CEP57L1: variants seen among roughly 807,000 people sequenced by gnomAD.
CEP57L1 encodes the protein centrosomal protein CEP57L1.
A neutral mutation model predicts 61.0 loss-of-function variants in CEP57L1; 37 were observed. That is an observed-to-expected ratio of 0.61 (90% CI 0.47 to 0.80). The LOEUF (loss-of-function observed/expected upper bound fraction) is 0.80. CEP57L1 is among the 30% of genes least tolerant of loss of function. CEP57L1 has a pLI of 0.00. For synonymous variants in CEP57L1, 137 were observed against 162.3 expected (o/e 0.84, Z 1.19); for missense variants, 422 against 524.7 (o/e 0.80, Z 1.91).
At chr6:109,111,659 T>G (rs1583403779) in intron 1 of CEP57L1, among the ~76,000 whole-genome samples, 1 of 152,310 alleles carries the variant, frequency 6.6e-6, no homozygotes. Flanking sequence ...GGCTGTGGGT[T>G]TGTCATAAAT....
intron 10 of CEP57L1, 120 bp from the exon 11 acceptor site, chr6:109,162,629 T>C (rs527341872): frequency 1.5e-6 from 1 of 669,818 alleles, no homozygotes; most frequent in East Asian, 2.7e-5. Flanking sequence ...CTTAATGAAT[T>C]GAATTTTTTA....
chr6:109,100,672 CAAAAAAAAAAAA>C (rs539993641), intron 1 of CEP57L1, among the ~76,000 whole-genome samples: 1 of 74,052 alleles, frequency 1.4e-5, no homozygotes, highest in Admixed American at 1.6e-4. Context: ...GAGATTGTCT[CAAAAAAAAAAAA>C]AAAAAAAAGA....
Position 109,126,635 on chromosome 6 carries a change from A to G in CEP57L1, c.-3-18584A>G, listed in dbSNP as rs1773584488. On this transcript the variant is annotated intron_variant, in intron 1 of 10. Transcript: ENST00000517392. ...AGATGATGGGGAGTCTAATCATTTA[A>G]GTGACCTTAGACATTATATGTTCTA... Among the ~76,000 whole-genome samples the G allele has an allele frequency of 2.0e-5, 3 of 152,292 alleles. 1 individual carries two copies. Among genetic ancestry groups the G allele is most frequent in the Middle Eastern group, 6.8e-3 (2 of 294 alleles).
intron 1 of CEP57L1, among the ~76,000 whole-genome samples, chr6:109,111,884 G>A (rs1048788374): frequency 3.3e-5 from 5 of 152,132 alleles, no homozygotes; most frequent in East Asian, 1.9e-4. Context: ...CAACTTGATC[G>A]TGGTGGATAA....
intron 1 of CEP57L1, among the ~76,000 whole-genome samples, chr6:109,117,757 G>A (rs891524967): frequency 7.2e-5 from 11 of 152,178 alleles, no homozygotes; most frequent in African/African-American, 9.6e-5. Context: ...AATATTAAGC[G>A]AAGTGAATTA....
rs550253239 is a variant in CEP57L1 at position 109,163,894 on chromosome 6, C to A, written c.*924C>A. On this transcript the variant is annotated 3_prime_UTR_variant, in exon 11 of 11. Transcript: ENST00000517392. Reference sequence around the variant, plus strand: ...ATGCATGCTTTATAATAAATTTACACTTGATCATTTTTCTGGAAGCCTATG... The same window carrying A: ...ATGCATGCTTTATAATAAATTTACAATTGATCATTTTTCTGGAAGCCTATG... The A allele has an allele frequency of 6.6e-6, 1 of 152,196 alleles. No individual in the cohort carries two copies. Among genetic ancestry groups the A allele is most frequent in the East Asian group, 1.9e-4 (1 of 5,188 alleles). 9.4% of individuals were successfully genotyped at this position (152,196 alleles called of 1,614,324 possible). A position where few individuals can be genotyped will look rare whatever the true frequency, so the allele number is the denominator to read the frequency against.
At chr6:109,113,353 A>G (rs1771898358) in intron 1 of CEP57L1, among the ~76,000 whole-genome samples, 1 of 151,890 alleles carries the variant, frequency 6.6e-6, no homozygotes, top group South Asian at 2.1e-4. Context: ...GTGTTCATTT[A>G]CTCGTTTACC....
chr6:109,105,774 G>C (rs1182220768), intron 1 of CEP57L1, among the ~76,000 whole-genome samples: 2 of 152,170 alleles, frequency 1.3e-5, no homozygotes, highest in African/African-American at 4.8e-5. Context: ...GCCATGGACT[G>C]GTACGGGTTC....
At chr6:109,134,161 CA>C (rs1774534978) in intron 1 of CEP57L1, among the ~76,000 whole-genome samples, 1 of 152,226 alleles carries the variant, frequency 6.6e-6, no homozygotes, top group East Asian at 1.9e-4. Flanking sequence ...CAGAAATCCT[CA>C]ATATAATACT....
Position 109,115,684 on chromosome 6 carries a change from G to T in CEP57L1, c.-4+20109G>T, listed in dbSNP as rs116758046. Among the ~76,000 whole-genome samples, 1,258 of 152,126 alleles carry T rather than the reference G, an allele frequency of 8.3e-3. 24 individuals carry two copies. The highest frequency in any genetic ancestry group is 0.029 in the African/African-American group (1,207 of 41,484). On this transcript the variant is annotated intron_variant, in intron 1 of 10. Transcript: ENST00000517392. Reference sequence around the variant, plus strand: ...GGAAAGCAGTACAGAAATCAAAAGGGTCCACAGTTAGAGTCCGGAGACCTG... The same window carrying T: ...GGAAAGCAGTACAGAAATCAAAAGGTTCCACAGTTAGAGTCCGGAGACCTG...
At chr6:109,122,098 G>A (rs1773039883) in intron 1 of CEP57L1, among the ~76,000 whole-genome samples, 1 of 152,176 alleles carries the variant, frequency 6.6e-6, no homozygotes, top group Non-Finnish European at 1.5e-5. Flanking sequence ...ACTTCAGAAA[G>A]GATTTGCATT....
At position 109,102,191 on chromosome 6, in the gene CEP57L1, T is replaced by C. The variant is rs116475396; in HGVS notation, c.-4+6616T>C. ...CTTTTGTCCATTTTTAAATTATTATTACTGTTGAGTGTTTTTGTTTTTTAG... is the reference window on the plus strand; with the variant it reads ...CTTTTGTCCATTTTTAAATTATTATCACTGTTGAGTGTTTTTGTTTTTTAG... On this transcript the variant is annotated intron_variant, in intron 1 of 10. Transcript: ENST00000517392. Among the ~76,000 whole-genome samples, 1,260 of 152,298 alleles carry C rather than the reference T, an allele frequency of 8.3e-3. 24 individuals are homozygous for C. The highest frequency in any genetic ancestry group is 0.029 in the African/African-American group (1,209 of 41,560).
intron 5 of CEP57L1, among the ~76,000 whole-genome samples, chr6:109,154,514 A>G (rs547055651): frequency 6.6e-6 from 1 of 152,210 alleles, no homozygotes; most frequent in South Asian, 2.1e-4. Flanking sequence ...TTTTATGAAT[A>G]TTGCTCTTTT....
rs765639518 is a variant in CEP57L1, at chr6:109,159,386, G to A, written c.940G>A (p.Glu314Lys). 25 of 1,613,946 alleles carry A rather than the reference G, an allele frequency of 1.5e-5. No individual in the cohort carries two copies. The highest frequency in any genetic ancestry group is 3.3e-4 in the Middle Eastern group (2 of 6,058). ...GTGTAAAGCTATTCCTCCTGACTCA[G>A]AAAAGTCCATTTCCATTTGTGACAA... is the stretch of plus-strand genomic sequence containing the variant. ...SWCKAIPPDSEKSISICDNLS... is the reference protein window; with the variant it reads ...SWCKAIPPDSKKSISICDNLS... The change falls in exon 9 of 11, where the codon GAA (glutamate) becomes AAA (lysine). Residue 314 changes from glutamate (E) to lysine (K), a missense_variant. Glu to Lys is a moderately conservative substitution (Grantham distance 56). Coordinates refer to ENST00000517392, the MANE Select transcript of CEP57L1 (RefSeq NM_001271852.3).
rs201729052 is a variant in CEP57L1, at chr6:109,144,275, TGAG to T, written c.-3-939_-3-937del. Among the ~76,000 whole-genome samples, 85 of 152,222 alleles carry T rather than the reference TGAG, an allele frequency of 5.6e-4. No individual in the cohort carries two copies. The East Asian group carries it at 0.011, about 19-fold the overall frequency. On this transcript the variant is annotated intron_variant, in intron 1 of 10. Transcript: ENST00000517392. ...AAGTGCCTGCCTTTGCCTTGTGAAT[TGAG>T]GAGGTGGTGAAATCATGGAAAATGT...
intron 1 of CEP57L1, among the ~76,000 whole-genome samples, chr6:109,139,416 C>T (rs763597156): frequency 1.3e-5 from 2 of 152,082 alleles, no homozygotes; most frequent in Admixed American, 6.6e-5. Flanking sequence ...AATTGTGCCT[C>T]GGCCACCATA....
chr6:109,138,109 T>C (rs1270368176), intron 1 of CEP57L1, among the ~76,000 whole-genome samples: 1 of 152,172 alleles, frequency 6.6e-6, no homozygotes, highest in Non-Finnish European at 1.5e-5. Flanking sequence ...AAAGGGAGAC[T>C]GAAGGAGAGT....
At chr6:109,148,238 A>G (rs1316756443) in intron 3 of CEP57L1, among the ~76,000 whole-genome samples, 1 of 152,034 alleles carries the variant, frequency 6.6e-6, no homozygotes, top group Non-Finnish European at 1.5e-5. Context: ...ATTTAGCATT[A>G]GGTATGTCTT....
Position 109,173,141 on chromosome 6 carries a change from T to A in CEP57L1, c.*10171T>A, listed in dbSNP as rs1358646340. On this transcript the variant is annotated 3_prime_UTR_variant, in exon 11 of 11. Coordinates refer to ENST00000517392, the MANE Select transcript of CEP57L1 (RefSeq NM_001271852.3). Reference sequence around the variant, plus strand: ...ATGTCTGTGAAAAGTAAAGGGATACTTTTGTGTAATATTTAACCATGTATA... The same window carrying A: ...ATGTCTGTGAAAAGTAAAGGGATACATTTGTGTAATATTTAACCATGTATA... 6.6e-6 allele frequency among the ~76,000 whole-genome samples: 1 copy of A among 152,230 alleles called. No homozygotes were observed. Among genetic ancestry groups the A allele is most frequent in the Non-Finnish European group, 1.5e-5 (1 of 68,040 alleles).
Sources: gnomAD v4.1 joint callset for allele counts (sites outside exome capture counted in the v4.1 genomes callset) on GRCh38, gnomAD v4.1.1 for gene constraint, MANE v1.5 for transcripts, NCBI Gene and HGNC (gene_info 2026-07-23, HGNC 2026-07-21) for gene names.